The following SDC1 variants were observed in gnomAD, a reference collection of about 807,000 sequenced individuals.
SDC1 encodes the protein syndecan 1, also known as syndecan-1.
A neutral mutation model predicts 29.7 loss-of-function variants in SDC1; 14 were observed. That is an observed-to-expected ratio of 0.47 (90% confidence interval 0.31 to 0.74). The LOEUF (loss-of-function observed/expected upper bound fraction) is 0.74, where lower values mean the gene tolerates loss of function less well. SDC1 is among the 30% of genes least tolerant of loss of function. The pLI is 0.05. For synonymous variants in SDC1, 204 were observed against 175.5 expected (o/e 1.16, Z -1.29); for missense variants, 406 against 400.3 (o/e 1.01, Z -0.12).
rs12993281 is a variant in SDC1 at position 20,208,737 on chromosome 2, G to A, written c.67-3313C>T. On this transcript the variant is annotated intron_variant, in intron 1 of 4. Transcript: ENST00000254351. ...GGTGCTTCCGAGGCTGCCTGGCCAC[G>A]GCTCAAGGCTGCTCAGGAACAGGTG... 5.0e-3 allele frequency among the ~76,000 whole-genome samples: 755 copies of A among 152,278 alleles called. 1 individual carries two copies. Among genetic ancestry groups the A allele is most frequent in the Non-Finnish European group, 8.5e-3 (577 of 68,020 alleles).
At chr2:20,221,405 G>T (rs573929174) in intron 1 of SDC1, among the ~76,000 whole-genome samples, 33 of 152,294 alleles carry the variant, frequency 2.2e-4, no homozygotes, top group African/African-American at 7.9e-4. Context: ...GCAACCTGGG[G>T]CACCAGGCAG....
At chr2:20,203,058 C>A (rs761012240) in intron 4 of SDC1, 29 bp downstream of exon 4, 18 of 1,582,966 alleles carry the variant, frequency 1.1e-5, no homozygotes, top group Non-Finnish European at 1.6e-5. Context: ...GCAATTCACC[C>A]CAAACTACCC....
chr2:20,204,341 C>T, intron 2 of SDC1, 50 bp from the exon 3 acceptor site: 1 of 1,302,858 alleles, frequency 7.7e-7, no homozygotes, highest in South Asian at 1.2e-5. Flanking sequence ...GTGGGGAGGA[C>T]CAGAAGCAGA....
chr2:20,216,239 G>A (rs980569996), intron 1 of SDC1, among the ~76,000 whole-genome samples: 4 of 152,204 alleles, frequency 2.6e-5, no homozygotes, highest in African/African-American at 7.2e-5. Context: ...CAGGGAGGAA[G>A]GTGGGGGGCA....
At chr2:20,215,863 T>G (rs1677610733) in intron 1 of SDC1, among the ~76,000 whole-genome samples, 1 of 150,654 alleles carries the variant, frequency 6.6e-6, no homozygotes, top group South Asian at 2.1e-4. Flanking sequence ...GAGCCGGGAC[T>G]AACCACGCCA....
chr2:20,217,693 G>C (rs1338519338), intron 1 of SDC1, among the ~76,000 whole-genome samples: 1 of 152,208 alleles, frequency 6.6e-6, no homozygotes, highest in African/African-American at 2.4e-5. Flanking sequence ...GTGGATCAAG[G>C]TTGGTTGGGT....
At chr2:20,204,372 G>GTGGGGAGGAGCAGA (rs1394111224) in intron 2 of SDC1, 81 bp from the exon 3 acceptor site, 1 of 879,500 alleles carries the variant, frequency 1.1e-6, no homozygotes, top group Non-Finnish European at 1.8e-6. Context: ...TGGGTCGGGG[G>GTGGGGAGGAGCAGA]AGGCTCCAGA....
intron 1 of SDC1, among the ~76,000 whole-genome samples, chr2:20,212,180 G>T (rs542119321): frequency 6.6e-6 from 1 of 152,326 alleles, no homozygotes; most frequent in African/African-American, 2.4e-5. Context: ...CCCCTCCTCA[G>T]GGACCCACAG....
In SDC1 at chr2:20,224,788, C is replaced by A; in HGVS notation, c.66+14G>T. 1 of 1,306,444 alleles carries A rather than the reference C, an allele frequency of 7.7e-7. No individual in the cohort carries two copies. 80.9% of individuals were successfully genotyped at this position (1,306,444 alleles called of 1,614,324 possible). ...TTCCCGCCGCCTCCCCGCCTGGCCGCCGGCCGCACTCACCGGCAGGGCCGG... is the reference window on the plus strand; with the variant it reads ...TTCCCGCCGCCTCCCCGCCTGGCCGACGGCCGCACTCACCGGCAGGGCCGG... On this transcript the variant is annotated intron_variant, in intron 1 of 4. Transcript: ENST00000254351. This position sits in a 1 kb window ranked among gnomAD's most constrained non-coding sequence, Gnocchi z 4.9.
At chr2:20,205,480 C>T in intron 1 of SDC1, 56 bp from the exon 2 acceptor site, 1 of 1,427,524 alleles carries the variant, frequency 7.0e-7, no homozygotes, top group Non-Finnish European at 9.9e-7. Flanking sequence ...CTCTGCTGCT[C>T]CTGGGTCCTC....
At chr2:20,218,972 G>T (rs1269584188) in intron 1 of SDC1, among the ~76,000 whole-genome samples, 1 of 152,192 alleles carries the variant, frequency 6.6e-6, no homozygotes, top group Non-Finnish European at 1.5e-5. Flanking sequence ...TAAAAGCCAG[G>T]AGGTCAGAGA....
chr2:20,219,268 C>T (rs1415132574), intron 1 of SDC1, among the ~76,000 whole-genome samples: 2 of 152,194 alleles, frequency 1.3e-5, no homozygotes, highest in Admixed American at 6.5e-5. Context: ...TGACCACAGG[C>T]AAGCTGACCC....
rs1189114929 is a variant in SDC1, at chr2:20,218,331, A to G, written c.66+6471T>C. On this transcript the variant is annotated intron_variant, in intron 1 of 4. Transcript: ENST00000254351. Reference sequence around the variant, plus strand: ...ATGATGGATGTCAGAGCCACAGTGAAAAAGAGAAAAGGCCACCAGCAGAGG... The same window carrying G: ...ATGATGGATGTCAGAGCCACAGTGAGAAAGAGAAAAGGCCACCAGCAGAGG... Among the ~76,000 whole-genome samples, 3 of 152,216 alleles carry G rather than the reference A, an allele frequency of 2.0e-5. No homozygotes were observed. The East Asian group carries it at 5.8e-4, about 29-fold the overall frequency.
intron 1 of SDC1, among the ~76,000 whole-genome samples, chr2:20,209,716 G>A (rs1241546822): frequency 6.6e-6 from 1 of 152,258 alleles, no homozygotes; most frequent in Non-Finnish European, 1.5e-5. Flanking sequence ...CAGAGGTAAA[G>A]AGGGCCACTC....
At position 20,204,074 on chromosome 2, in the gene SDC1, G is replaced by A; in HGVS notation, c.366C>T (p.Thr122=). The stretch of plus-strand genomic sequence containing the variant: ...GCTGTGTGGTCTCCCTGGGTCGGGG[G>A]GTGGCCTCCTGCTCCCGGGCGGTGA... ...PGLTAREQEA[T]PRPRETTQLP... Residue 122 remains threonine, a synonymous_variant, in exon 3 of 5, where the codon ACC becomes ACT. Coordinates refer to ENST00000254351, the MANE Select transcript of SDC1 (RefSeq NM_002997.5). 6.2e-7 allele frequency: 1 copy of A among 1,611,352 alleles called. No individual in the cohort carries two copies. The highest frequency in any genetic ancestry group is 8.5e-7 in the Non-Finnish European group (1 of 1,179,926).
chr2:20,207,804 A>C (rs375865759), intron 1 of SDC1: 3 of 273,536 alleles, frequency 1.1e-5, no homozygotes, highest in Non-Finnish European at 1.7e-5. Flanking sequence ...TGGTGCTTCA[A>C]ACACCTGTGC....
At chr2:20,206,361 G>T (rs1318976528) in intron 1 of SDC1, among the ~76,000 whole-genome samples, 4 of 152,204 alleles carry the variant, frequency 2.6e-5, no homozygotes, top group Admixed American at 6.5e-5. Context: ...GGGCTGACTG[G>T]CAGGACCGGG....
At chr2:20,213,293 G>C (rs1305500218) in intron 1 of SDC1, among the ~76,000 whole-genome samples, 1 of 152,184 alleles carries the variant, frequency 6.6e-6, no homozygotes, top group African/African-American at 2.4e-5. Flanking sequence ...GCAAAACCCG[G>C]GCCAGGCCAG....
At chr2:20,217,451 C>T (rs1484636481) in intron 1 of SDC1, among the ~76,000 whole-genome samples, 3 of 152,162 alleles carry the variant, frequency 2.0e-5, no homozygotes, top group Non-Finnish European at 4.4e-5. Flanking sequence ...AGATACCCAC[C>T]AGTCACACGA....
Sources: allele counts gnomAD v4.1 joint callset (sites outside exome capture counted in the v4.1 genomes callset), GRCh38; gene constraint gnomAD v4.1.1; non-coding constraint Gnocchi (gnomAD v3.1); transcripts MANE v1.5; gene names NCBI Gene and HGNC (gene_info 2026-07-23, HGNC 2026-07-21).